FRK: variants seen among roughly 807,000 people sequenced by gnomAD.
FRK encodes tyrosine-protein kinase FRK.
In FRK, 51 loss-of-function variants were observed where a neutral mutation model predicts 56.4. That is an observed-to-expected ratio of 0.90 (90% CI 0.72 to 1.14). The LOEUF (loss-of-function observed/expected upper bound fraction) is 1.14. Among genes scored for constraint, FRK ranks in the 50% most tolerant of loss-of-function variants. FRK has a pLI of 0.00. For synonymous variants in FRK, 245 were observed against 217.9 expected, an observed-to-expected ratio of 1.12 and a Z score of -1.10; for missense variants, 570 against 601.4, an observed-to-expected ratio of 0.95 and a Z score of 0.55.
intron 2 of FRK, among the ~76,000 whole-genome samples, chr6:115,982,932 C>T (rs1284933245): frequency 1.3e-5 from 2 of 151,992 alleles, no homozygotes; most frequent in East Asian, 3.9e-4. Context: ...TTTAGCCAGG[C>T]ATGGTGGCAC....
intron 1 of FRK, among the ~76,000 whole-genome samples, chr6:116,058,327 C>T (rs1777473040): frequency 6.6e-6 from 1 of 152,068 alleles, no homozygotes; most frequent in Admixed American, 6.5e-5. Context: ...CTGATCAATT[C>T]CATTCATTAA....
chr6:116,056,267 T>A (rs891155033), intron 1 of FRK, among the ~76,000 whole-genome samples: 6 of 148,622 alleles, frequency 4.0e-5, no homozygotes, highest in South Asian at 2.1e-4. Context: ...CAGCCTGGAG[T>A]GCAGTGGCAC....
chr6:116,091,241 A>C, the FRK span, among the ~76,000 whole-genome samples: 1 of 152,162 alleles, frequency 6.6e-6, no homozygotes, highest in Non-Finnish European at 1.5e-5. Flanking sequence ...GTAAAAACAC[A>C]GCAATCAGAG....
At chr6:116,002,236 T>C (rs936029839) in intron 2 of FRK, among the ~76,000 whole-genome samples, 2 of 152,224 alleles carry the variant, frequency 1.3e-5, no homozygotes, top group African/African-American at 2.4e-5. Flanking sequence ...AGTCCCAGCC[T>C]GGTGGAGCAT....
intron 1 of FRK, among the ~76,000 whole-genome samples, chr6:116,051,014 A>G (rs1382650331): frequency 1.3e-5 from 2 of 152,174 alleles, no homozygotes; most frequent in East Asian, 3.8e-4. Context: ...ATGTGAGATC[A>G]AAATAGCATT....
intron 2 of FRK, among the ~76,000 whole-genome samples, chr6:115,990,010 G>T (rs1192897792): frequency 1.3e-5 from 2 of 151,858 alleles, no homozygotes; most frequent in East Asian, 3.9e-4. Context: ...TCTCATTATG[G>T]TTTTAATTTT....
intron 2 of FRK, among the ~76,000 whole-genome samples, chr6:115,974,025 A>G (rs182676655): frequency 1.3e-5 from 2 of 152,338 alleles, no homozygotes; most frequent in Admixed American, 6.5e-5. Flanking sequence ...TTCTTGGCCT[A>G]CATGTTCAAG....
chr6:116,042,172 C>T (rs1241680358), intron 1 of FRK, among the ~76,000 whole-genome samples: 1 of 152,168 alleles, frequency 6.6e-6, no homozygotes, highest in East Asian at 1.9e-4. Context: ...CACTGCAAAG[C>T]CGCTGTAGCC....
chr6:115,969,301 A>G (rs540042033), intron 2 of FRK, among the ~76,000 whole-genome samples: 4 of 152,210 alleles, frequency 2.6e-5, no homozygotes, highest in African/African-American at 7.2e-5. Context: ...ATGCCCTAAC[A>G]CAGTTCAATA....
the FRK span, among the ~76,000 whole-genome samples, chr6:116,067,363 C>CTATTTT: frequency 1.3e-5 from 2 of 152,122 alleles, no homozygotes; most frequent in South Asian, 2.1e-4. Context: ...CAGCATGTCA[C>CTATTTT]TATTTTTATT....
chr6:116,010,448 C>A (rs1214484337), intron 1 of FRK, among the ~76,000 whole-genome samples: 1 of 152,066 alleles, frequency 6.6e-6, no homozygotes, highest in African/African-American at 2.4e-5. Context: ...TTGTAAAGGT[C>A]TGGACTAGAA....
the FRK span, among the ~76,000 whole-genome samples, chr6:116,066,406 T>C: frequency 1.3e-5 from 2 of 151,828 alleles, no homozygotes; most frequent in Non-Finnish European, 2.9e-5. Flanking sequence ...AAGTTAATAC[T>C]TAATAAACTC....
the FRK span, among the ~76,000 whole-genome samples, chr6:116,071,707 CTTTGCT>C: frequency 6.6e-6 from 1 of 152,158 alleles, no homozygotes; most frequent in Non-Finnish European, 1.5e-5. Context: ...GGCTTACCTC[CTTTGCT>C]TCACTGATTC....
At chr6:115,992,105 T>C (rs1774637272) in intron 2 of FRK, among the ~76,000 whole-genome samples, 2 of 151,734 alleles carry the variant, frequency 1.3e-5, no homozygotes, top group Admixed American at 1.3e-4. Context: ...GTCTATTTTG[T>C]TTATCCTTTC....
At chr6:115,958,804 AAG>A (rs1773201493) in intron 4 of FRK, among the ~76,000 whole-genome samples, 1 of 70,256 alleles carries the variant, frequency 1.4e-5, no homozygotes, top group Non-Finnish European at 2.9e-5. Flanking sequence ...AAGAAAAAGA[AAG>A]AAAGAAAGAA....
At chr6:116,056,136 A>C (rs1212258174) in intron 1 of FRK, among the ~76,000 whole-genome samples, 2 of 151,846 alleles carry the variant, frequency 1.3e-5, no homozygotes, top group Non-Finnish European at 2.9e-5. Context: ...TCAATTTAAC[A>C]CAAAAGTATG....
At position 115,972,330 on chromosome 6, in the gene FRK, G is replaced by A. The variant is rs557519525; in HGVS notation, c.467-3591C>T. On this transcript the variant is annotated intron_variant, in intron 2 of 7. Coordinates refer to ENST00000606080, the MANE Select transcript of FRK (RefSeq NM_002031.3). The stretch of plus-strand genomic sequence containing the variant: ...GAGGAGAGAGAAGCTGGTGCCCTAA[G>A]TTACCTCTATCCTACTTCCACAGGA... Among the ~76,000 whole-genome samples the A allele has an allele frequency of 5.3e-5, 8 of 152,286 alleles. No homozygotes were observed. The South Asian group carries it at 1.7e-3, about 32-fold the overall frequency.
intron 5 of FRK, among the ~76,000 whole-genome samples, chr6:115,954,339 G>T (rs1772905519): frequency 6.6e-6 from 1 of 152,182 alleles, no homozygotes. Context: ...CATTTTAACT[G>T]TATCTCTCTA....
At chr6:115,991,228 T>C (rs1338441580) in intron 2 of FRK, among the ~76,000 whole-genome samples, 1 of 151,894 alleles carries the variant, frequency 6.6e-6, no homozygotes, top group Non-Finnish European at 1.5e-5. Context: ...ACAGACAATT[T>C]GAAATCCACT....
Sources: allele counts gnomAD v4.1 joint callset (sites outside exome capture counted in the v4.1 genomes callset), GRCh38; gene constraint gnomAD v4.1.1; transcripts MANE v1.5; gene names NCBI Gene and HGNC (gene_info 2026-07-23, HGNC 2026-07-21).